CHLSN: variants seen among roughly 807,000 people sequenced by gnomAD.
CHLSN encodes the protein protein cholesin.
chr7:1,080,447 G>A, the CHLSN span, among the ~76,000 whole-genome samples: 1 of 152,192 alleles, frequency 6.6e-6, no homozygotes, highest in Admixed American at 6.5e-5. Context: ...GGCTGCACAC[G>A]CACAGGTGCC....
the CHLSN span, among the ~76,000 whole-genome samples, chr7:1,055,883 G>A: frequency 6.6e-6 from 1 of 152,214 alleles, no homozygotes; most frequent in Non-Finnish European, 1.5e-5. Context: ...AGTGGCCTGT[G>A]TTTCCTGGGG....
chr7:1,091,576 C>A, the CHLSN span: 1 of 676,670 alleles, frequency 1.5e-6, no homozygotes, highest in Non-Finnish European at 2.6e-6. Flanking sequence ...CAACCCAAAC[C>A]ACCACAGGTG....
chr7:1,136,296 A>G, the CHLSN span, among the ~76,000 whole-genome samples: 2 of 118,668 alleles, frequency 1.7e-5, no homozygotes, highest in Admixed American at 2.0e-4. Flanking sequence ...AAATATATAT[A>G]AACATATATA....
the CHLSN span, among the ~76,000 whole-genome samples, chr7:1,036,276 G>A: frequency 6.6e-6 from 1 of 152,140 alleles, no homozygotes; most frequent in East Asian, 1.9e-4. Flanking sequence ...CGGTTGTGCT[G>A]TGGCCATGTA....
At chr7:1,080,417 C>G in the CHLSN span, among the ~76,000 whole-genome samples, 2 of 152,190 alleles carry the variant, frequency 1.3e-5, no homozygotes, top group African/African-American at 2.4e-5. Context: ...GCAGGAGGCA[C>G]GGGGACAGCC....
the CHLSN span, among the ~76,000 whole-genome samples, chr7:1,113,334 C>G: frequency 2.6e-5 from 4 of 152,194 alleles, no homozygotes; most frequent in Admixed American, 6.5e-5. Flanking sequence ...ACACTGTCCC[C>G]CAGCAACCAA....
the CHLSN span, chr7:983,332 G>A: frequency 7.8e-6 from 12 of 1,539,156 alleles, no homozygotes; most frequent in African/African-American, 8.2e-5. Flanking sequence ...GCTGCCGCTC[G>A]TCGGGAACCT....
the CHLSN span, among the ~76,000 whole-genome samples, chr7:1,122,806 G>C: frequency 2.0e-5 from 3 of 152,180 alleles, no homozygotes; most frequent in African/African-American, 7.2e-5. Context: ...GGCAAACCCT[G>C]GGACCCCTCT....
chr7:1,094,017 C>G, the CHLSN span, among the ~76,000 whole-genome samples: 1 of 152,242 alleles, frequency 6.6e-6, no homozygotes, highest in Non-Finnish European at 1.5e-5. Flanking sequence ...GGGGGCACTT[C>G]TGTGTCATGC....
chr7:1,035,193 T>C, the CHLSN span, among the ~76,000 whole-genome samples: 1 of 152,126 alleles, frequency 6.6e-6, no homozygotes, highest in Non-Finnish European at 1.5e-5. Context: ...TTTGCTATTG[T>C]GAACAGTGCT....
the CHLSN span, among the ~76,000 whole-genome samples, chr7:1,072,120 G>A: frequency 6.6e-6 from 1 of 152,210 alleles, no homozygotes; most frequent in African/African-American, 2.4e-5. Context: ...GGGGATCCAA[G>A]ATGGCCTTCC....
the CHLSN span, among the ~76,000 whole-genome samples, chr7:1,070,941 G>GCA: frequency 7.5e-4 from 102 of 136,226 alleles, no homozygotes; most frequent in South Asian, 1.2e-3. Context: ...ACGCACACAT[G>GCA]CACACACACA....
chr7:1,027,098 A>G, the CHLSN span: 1 of 152,272 alleles, frequency 6.6e-6, no homozygotes, highest in East Asian at 1.9e-4. Flanking sequence ...AAATGGCAGG[A>G]TCAAAATTAA....
the CHLSN span, chr7:997,620 A>G: frequency 6.3e-7 from 1 of 1,594,334 alleles, no homozygotes; most frequent in East Asian, 2.3e-5. Flanking sequence ...CCCGCGCTGA[A>G]CCCACTAGGA....
chr7:1,060,928 A>G, the CHLSN span, among the ~76,000 whole-genome samples: 1 of 152,130 alleles, frequency 6.6e-6, no homozygotes, highest in Admixed American at 6.5e-5. Context: ...TGGCGCCGTC[A>G]GCCCAACCCT....
At chr7:1,005,418 G>A in the CHLSN span, among the ~76,000 whole-genome samples, 207 of 152,344 alleles carry the variant, frequency 1.4e-3, no homozygotes, top group East Asian at 0.019. Flanking sequence ...CCACGTGCTC[G>A]TAACTGCACC....
At chr7:1,101,915 C>T in the CHLSN span, among the ~76,000 whole-genome samples, 3 of 152,264 alleles carry the variant, frequency 2.0e-5, no homozygotes, top group Admixed American at 6.5e-5. Context: ...CACCGTCACC[C>T]TGCTCTCTGG....
At chr7:990,975 C>A in the CHLSN span, among the ~76,000 whole-genome samples, 2 of 152,096 alleles carry the variant, frequency 1.3e-5, no homozygotes, top group African/African-American at 4.8e-5. Context: ...CTACAGGGGA[C>A]CCTTGTGCCC....
At chr7:1,075,608 CTTTT>C in the CHLSN span, among the ~76,000 whole-genome samples, 2 of 136,340 alleles carry the variant, frequency 1.5e-5, no homozygotes, top group Non-Finnish European at 1.6e-5. Flanking sequence ...AATCGGGTCA[CTTTT>C]TTTTTTTTTT....
Sources: allele counts gnomAD v4.1 joint callset (sites outside exome capture counted in the v4.1 genomes callset), GRCh38; gene constraint gnomAD v4.1.1; transcripts MANE v1.5; gene names NCBI Gene and HGNC (gene_info 2026-07-23, HGNC 2026-07-21).